ZBTB20: variants seen among roughly 807,000 people sequenced by gnomAD.
ZBTB20 encodes zinc finger and BTB domain containing 20.
In ZBTB20, 9 loss-of-function variants were observed where a neutral mutation model predicts 56.9. That is an observed-to-expected ratio of 0.16 (90% CI 0.10 to 0.28). ZBTB20 has a LOEUF of 0.28. Ranked by LOEUF, ZBTB20 falls within the 10% of genes least tolerant of loss-of-function variation. The pLI is 1.00. For synonymous variants in ZBTB20, 417 were observed against 420.7 expected (o/e 0.99, Z 0.11); for missense variants, 655 against 1,003.0 (o/e 0.65, Z 4.69).
rs547568320 is a variant in ZBTB20 at position 114,942,239 on chromosome 3, G to A, written c.-456+32127C>T. Reference sequence around the variant, plus strand: ...ATTACAAAATTTCCTTTGTATCAGGGATAACCAACTGTCTTTTATAAATAA... The same window carrying A: ...ATTACAAAATTTCCTTTGTATCAGGAATAACCAACTGTCTTTTATAAATAA... On this transcript the variant is annotated intron_variant, in intron 3 of 11. Transcript: ENST00000675478. Among the ~76,000 whole-genome samples the A allele has an allele frequency of 2.2e-4, 32 of 145,636 alleles. No individual in the cohort carries two copies. In the East Asian group the frequency reaches 6.0e-3, roughly 27 times the overall value.
chr3:114,454,234 C>T (rs1420554039), intron 7 of ZBTB20, among the ~76,000 whole-genome samples: 1 of 144,392 alleles, frequency 6.9e-6, no homozygotes, highest in Admixed American at 7.0e-5. Context: ...CTTTAATAGA[C>T]ATAGGAAGCA....
At chr3:114,756,214 G>A (rs1392156211) in intron 5 of ZBTB20, among the ~76,000 whole-genome samples, 1 of 152,016 alleles carries the variant, frequency 6.6e-6, no homozygotes. Flanking sequence ...TACATCGCAT[G>A]TACTCAAAAT....
chr3:114,780,579 C>G (rs2070007013), intron 5 of ZBTB20, among the ~76,000 whole-genome samples: 1 of 152,112 alleles, frequency 6.6e-6, no homozygotes, highest in Admixed American at 6.5e-5. Flanking sequence ...CCTCCACCTC[C>G]CGGGTTCAAG....
intron 6 of ZBTB20, among the ~76,000 whole-genome samples, chr3:114,524,800 C>T (rs996019514): frequency 3.9e-5 from 6 of 152,108 alleles, no homozygotes; most frequent in Non-Finnish European, 7.3e-5. Context: ...CTACAACTTC[C>T]GCCTCTCAGG....
chr3:115,003,848 C>CAGAA (rs2079357147), intron 2 of ZBTB20, among the ~76,000 whole-genome samples: 1 of 151,450 alleles, frequency 6.6e-6, no homozygotes, highest in East Asian at 1.9e-4. Context: ...TTTCTCTTTT[C>CAGAA]AGCAGTAGAA....
At chr3:114,451,342 G>A (rs947324057) in intron 7 of ZBTB20, among the ~76,000 whole-genome samples, 2 of 152,186 alleles carry the variant, frequency 1.3e-5, no homozygotes, top group Non-Finnish European at 2.9e-5. Flanking sequence ...TGCTGTGCAT[G>A]CTGATGAAGG....
intron 4 of ZBTB20, among the ~76,000 whole-genome samples, chr3:114,853,536 T>C (rs781514745): frequency 8.5e-5 from 13 of 152,218 alleles, no homozygotes; most frequent in Non-Finnish European, 1.3e-4. Context: ...TCCTCTCCAA[T>C]CCTTCTCTCA....
intron 5 of ZBTB20, among the ~76,000 whole-genome samples, chr3:114,797,273 TG>T (rs2071397320): frequency 6.6e-6 from 1 of 151,794 alleles, no homozygotes; most frequent in Non-Finnish European, 1.5e-5. Context: ...TAAACTTTCA[TG>T]ACCTACTAAT....
chr3:115,027,793 A>T (rs1204129142), intron 2 of ZBTB20, among the ~76,000 whole-genome samples: 1 of 150,860 alleles, frequency 6.6e-6, no homozygotes, highest in Non-Finnish European at 1.5e-5. Context: ...CTTCTAAGAA[A>T]ATATACATTT....
chr3:114,576,323 C>A (rs1417845031), intron 6 of ZBTB20, among the ~76,000 whole-genome samples: 3 of 151,436 alleles, frequency 2.0e-5, no homozygotes, highest in Non-Finnish European at 4.4e-5. Flanking sequence ...CACAGTGAAA[C>A]CCCGTCTCTA....
chr3:115,009,189 G>A (rs1012892732), intron 2 of ZBTB20, among the ~76,000 whole-genome samples: 1 of 151,206 alleles, frequency 6.6e-6, no homozygotes, highest in Non-Finnish European at 1.5e-5. Flanking sequence ...ATATATTTTT[G>A]TTCTGTATTA....
chr3:114,790,683 C>A (rs897403172), intron 5 of ZBTB20, among the ~76,000 whole-genome samples: 1 of 151,638 alleles, frequency 6.6e-6, no homozygotes, highest in Non-Finnish European at 1.5e-5. Flanking sequence ...CTGGTACCAG[C>A]TTTGGTGACC....
chr3:114,461,852 G>A (rs962488682), intron 7 of ZBTB20, among the ~76,000 whole-genome samples: 4 of 152,162 alleles, frequency 2.6e-5, no homozygotes, highest in African/African-American at 9.7e-5. Flanking sequence ...AAGCCTAGCT[G>A]AGAACAATTG....
chr3:114,857,082 C>G (rs2075286695), intron 4 of ZBTB20, among the ~76,000 whole-genome samples: 1 of 152,102 alleles, frequency 6.6e-6, no homozygotes, highest in African/African-American at 2.4e-5. Context: ...TGATTCTTTT[C>G]TCATACAGCA....
intron 3 of ZBTB20, among the ~76,000 whole-genome samples, chr3:114,966,320 TAAAG>T (rs1027961271): frequency 3.9e-5 from 6 of 152,006 alleles, no homozygotes; most frequent in Admixed American, 1.3e-4. Context: ...TGCAAAAAAA[TAAAG>T]AAGCACACGA....
At chr3:114,637,476 C>T (rs1578100124) in intron 6 of ZBTB20, among the ~76,000 whole-genome samples, 1 of 152,190 alleles carries the variant, frequency 6.6e-6, no homozygotes, top group South Asian at 2.1e-4. Context: ...CTCTATCTTG[C>T]TTAGGCATCC....
At chr3:115,119,756 C>T (rs1409660844) in intron 1 of ZBTB20, among the ~76,000 whole-genome samples, 6 of 151,992 alleles carry the variant, frequency 3.9e-5, no homozygotes, top group African/African-American at 1.2e-4. Context: ...TTCACGATTC[C>T]GATTCCTTGC....
intron 6 of ZBTB20, among the ~76,000 whole-genome samples, chr3:114,511,978 A>G (rs2045450866): frequency 6.6e-6 from 1 of 152,116 alleles, no homozygotes; most frequent in South Asian, 2.1e-4. Flanking sequence ...ATTCTGAAAA[A>G]AATAGGGTTG....
At chr3:114,709,131 C>G (rs895321194) in intron 5 of ZBTB20, among the ~76,000 whole-genome samples, 1 of 152,102 alleles carries the variant, frequency 6.6e-6, no homozygotes, top group Non-Finnish European at 1.5e-5. Context: ...TGGTTTTAAT[C>G]TTAGGTTCCT....
Sources: allele counts gnomAD v4.1 joint callset (sites outside exome capture counted in the v4.1 genomes callset), GRCh38; gene constraint gnomAD v4.1.1; transcripts MANE v1.5; gene names NCBI Gene and HGNC (gene_info 2026-07-23, HGNC 2026-07-21).